Variants in IMPG1 observed in about 807,000 individuals in gnomAD.
IMPG1 encodes interphotoreceptor matrix proteoglycan of 150 kDa.
In IMPG1, 85 loss-of-function variants were observed where a neutral mutation model predicts 92.0. That is an observed-to-expected ratio of 0.92 (90% CI 0.78 to 1.11). The LOEUF (loss-of-function observed/expected upper bound fraction) is 1.11, where lower values mean the gene tolerates loss of function less well. IMPG1 is among the 50% of genes least tolerant of loss of function. IMPG1 has a pLI of 0.00. For missense variants in IMPG1, 1,022 were observed against 956.0 expected (o/e 1.07, Z -0.91); for synonymous variants, 367 against 334.1 (o/e 1.10, Z -1.08).
At chr6:75,952,667 G>A (rs886331365) in intron 12 of IMPG1, among the ~76,000 whole-genome samples, 4 of 152,032 alleles carry the variant, frequency 2.6e-5, no homozygotes, top group African/African-American at 4.8e-5. Context: ...TTGTATGTTC[G>A]GGCTCTAATC....
At chr6:76,029,829 G>A (rs1381510068) in intron 4 of IMPG1, among the ~76,000 whole-genome samples, 1 of 152,104 alleles carries the variant, frequency 6.6e-6, no homozygotes, top group African/African-American at 2.4e-5. Flanking sequence ...AGTTATCTTG[G>A]TGTGTCACAA....
intron 7 of IMPG1, among the ~76,000 whole-genome samples, chr6:76,016,384 A>G (rs892053783): frequency 1.3e-5 from 2 of 152,250 alleles, no homozygotes; most frequent in African/African-American, 2.4e-5. Flanking sequence ...TACTCTGACT[A>G]TACTAAGGAA....
chr6:75,944,644 C>T (rs1781895547), intron 14 of IMPG1, among the ~76,000 whole-genome samples: 1 of 152,152 alleles, frequency 6.6e-6, no homozygotes. Flanking sequence ...TTGTCACTCT[C>T]CAGGTATCTG....
At chr6:75,944,274 T>C (rs1225615796) in intron 14 of IMPG1, among the ~76,000 whole-genome samples, 2 of 152,218 alleles carry the variant, frequency 1.3e-5, no homozygotes, top group East Asian at 3.8e-4. Flanking sequence ...TTCCCCTCAC[T>C]GTTGACTGGA....
chr6:75,936,829 G>A (rs897980007), intron 14 of IMPG1, among the ~76,000 whole-genome samples: 1 of 152,216 alleles, frequency 6.6e-6, no homozygotes, highest in African/African-American at 2.4e-5. Context: ...GAGCTGGGAG[G>A]AGGCCCTGCA....
At chr6:75,990,745 C>T (rs1782801014) in intron 12 of IMPG1, among the ~76,000 whole-genome samples, 1 of 151,906 alleles carries the variant, frequency 6.6e-6, no homozygotes, top group Admixed American at 6.6e-5. Context: ...AGACTCCCCT[C>T]CTGTAAACTG....
intron 12 of IMPG1, among the ~76,000 whole-genome samples, chr6:75,957,950 G>A (rs1291454335): frequency 6.6e-6 from 1 of 152,180 alleles, no homozygotes; most frequent in East Asian, 1.9e-4. Context: ...CTGTCATTAT[G>A]ATGTTAGCTG....
At chr6:75,936,172 T>G (rs774327128) in intron 14 of IMPG1, among the ~76,000 whole-genome samples, 1 of 152,216 alleles carries the variant, frequency 6.6e-6, no homozygotes, top group Non-Finnish European at 1.5e-5. Flanking sequence ...TAGGTTAGCA[T>G]CTCTGGCTCT....
intron 12 of IMPG1, among the ~76,000 whole-genome samples, chr6:75,976,766 G>A (rs570189397): frequency 2.0e-5 from 3 of 152,126 alleles, no homozygotes; most frequent in East Asian, 3.9e-4. Flanking sequence ...CAAAGAACTA[G>A]CCGGGCGTGG....
intron 12 of IMPG1, among the ~76,000 whole-genome samples, chr6:75,970,814 C>T (rs1782399995): frequency 6.6e-6 from 1 of 152,036 alleles, no homozygotes; most frequent in Admixed American, 6.6e-5. Context: ...TGTGTTTTTC[C>T]AGCTCTGATT....
intron 14 of IMPG1, among the ~76,000 whole-genome samples, chr6:75,937,597 C>A (rs188314832): frequency 6.6e-6 from 1 of 152,214 alleles, no homozygotes; most frequent in African/African-American, 2.4e-5. Context: ...ATAATATCTA[C>A]CTTGCATATT....
intron 1 of IMPG1, among the ~76,000 whole-genome samples, chr6:76,043,696 A>G (rs1260985674): frequency 6.6e-6 from 1 of 152,230 alleles, no homozygotes; most frequent in Non-Finnish European, 1.5e-5. Flanking sequence ...ACATGCTTCC[A>G]GATAAAGAAT....
At chr6:76,064,668 G>A (rs898810213) in intron 1 of IMPG1, among the ~76,000 whole-genome samples, 2 of 152,134 alleles carry the variant, frequency 1.3e-5, no homozygotes, top group African/African-American at 2.4e-5. Flanking sequence ...TCTCACTTAG[G>A]TGCTGAGGGA....
intron 12 of IMPG1, among the ~76,000 whole-genome samples, chr6:75,974,392 T>TTTCTTTCTTTC (rs1554230326): frequency 5.0e-5 from 3 of 59,524 alleles, no homozygotes; most frequent in Non-Finnish European, 1.0e-4. Context: ...TCTTTCTTTC[T>TTTCTTTCTTTC]TTTCTTTCTT....
intron 12 of IMPG1, among the ~76,000 whole-genome samples, chr6:75,961,018 C>A (rs1159673706): frequency 2.0e-5 from 3 of 152,142 alleles, no homozygotes; most frequent in Admixed American, 6.5e-5. Flanking sequence ...ATGATATGGT[C>A]CAACCCAAAG....
At chr6:76,035,283 ACC>A (rs1783721380) in intron 2 of IMPG1, among the ~76,000 whole-genome samples, 1 of 151,918 alleles carries the variant, frequency 6.6e-6, no homozygotes, top group African/African-American at 2.4e-5. Context: ...TGGGCGGATC[ACC>A]TGAGGTCAGG....
rs188158879 is a variant in IMPG1 at position 75,959,761 on chromosome 6, A to C, written c.1292-8667T>G. Among the ~76,000 whole-genome samples, 3 of 152,318 alleles carry C rather than the reference A, an allele frequency of 2.0e-5. No homozygotes were observed. The East Asian group carries it at 5.8e-4, about 29-fold the overall frequency. On this transcript the variant is annotated intron_variant, in intron 12 of 16. Transcript: ENST00000369950. ...TTCAACTTCAGACTGCTGTGCTGGCAGTGAGAATTTCAAGCCAGTGGATCT... is the reference window on the plus strand; with the variant it reads ...TTCAACTTCAGACTGCTGTGCTGGCCGTGAGAATTTCAAGCCAGTGGATCT...
intron 7 of IMPG1, among the ~76,000 whole-genome samples, chr6:76,014,427 C>A (rs914644355): frequency 2.0e-5 from 3 of 152,174 alleles, no homozygotes; most frequent in Non-Finnish European, 2.9e-5. Flanking sequence ...CACCCACACC[C>A]TGCCATGGGC....
At chr6:75,982,571 A>ATC (rs1380133285) in intron 12 of IMPG1, among the ~76,000 whole-genome samples, 6 of 147,776 alleles carry the variant, frequency 4.1e-5, no homozygotes, top group South Asian at 2.1e-4. Flanking sequence ...CTATATATCT[A>ATC]TATAGATATA....
Sources: allele counts gnomAD v4.1 joint callset (sites outside exome capture counted in the v4.1 genomes callset), GRCh38; gene constraint gnomAD v4.1.1; transcripts MANE v1.5; gene names NCBI Gene and HGNC (gene_info 2026-07-23, HGNC 2026-07-21).